The following FGA variants were observed in gnomAD, a reference collection of about 807,000 sequenced individuals.
FGA encodes the protein fibrinogen, A alpha polypeptide.
In FGA, 20 loss-of-function variants were observed where a neutral mutation model predicts 20.3. The ratio of observed to expected loss-of-function variants is 0.99; its 90% confidence interval spans 0.69 to 1.43. The LOEUF (loss-of-function observed/expected upper bound fraction) is 1.43. Ranked by LOEUF, FGA falls within the 40% of genes most tolerant of loss-of-function variation. The pLI is 0.00. For missense variants in FGA, 777 were observed against 784.7 expected (o/e 0.99, Z 0.12); for synonymous variants, 306 against 281.6 (o/e 1.09, Z -0.87).
chr4:154,589,118 A>G lies in FGA; in HGVS notation c.181-142T>C, dbSNP rs1389270856. On this transcript the variant is annotated intron_variant, in intron 2 of 4. Transcript: ENST00000403106. ...TTAAAAGTAGGTAAGAGGACTAGTT[A>G]GAGGTCGCAGAGAAACTCTGGAATG... is the stretch of plus-strand genomic sequence containing the variant. 4 of 754,114 alleles carry G rather than the reference A, an allele frequency of 5.3e-6. No individual in the cohort carries two copies. The East Asian group carries it at 1.1e-4, about 20-fold the overall frequency. 46.7% of individuals were successfully genotyped at this position (754,114 alleles called of 1,614,324 possible).
chr4:154,587,745 GAGAAAGAA>G lies in FGA; in HGVS notation c.365-96_365-89del, dbSNP rs60443975. ...AAAAGAAAGGAAGAAAGGAAGGAAG[GAGAAAGAA>G]AGAAAGAAAGAAAGAAAGAAAGAAA... On this transcript the variant is annotated intron_variant, in intron 3 of 4. Transcript: ENST00000403106. 0.11 allele frequency: 56,954 copies of G among 522,008 alleles called. 3,874 individuals carry two copies. Among genetic ancestry groups the G allele is most frequent in the Non-Finnish European group, 0.12 (37,311 of 300,578 alleles). The allele number at this position is 522,008 out of a possible 1,614,324, so 32.3% of individuals were successfully genotyped here. A position where few individuals can be genotyped will look rare whatever the true frequency, so the allele number is the denominator to read the frequency against.
chr4:154,587,771 GAA>G, intron 3 of FGA, 114 bp from the exon 4 acceptor site: 1 of 659,076 alleles, frequency 1.5e-6, no homozygotes, highest in Non-Finnish European at 2.6e-6. Context: ...AAGAAAGAAA[GAA>G]AGAAAGAAAG....
intron 2 of FGA, among the ~76,000 whole-genome samples, 193 bp downstream of exon 2, chr4:154,589,244 C>G (rs1424739097): frequency 2.0e-5 from 3 of 152,148 alleles, no homozygotes; most frequent in African/African-American, 7.2e-5. Context: ...GTCTGTTCAC[C>G]CACTAATGAT....
rs752970242 is a variant in FGA, at chr4:154,586,307, G to A, written c.1122C>T (p.Thr374=). ...TACTACCAGATACAGAGCTCTCAGA[G>A]GTCCAGTGCCCAGCACTTCCGCGTT... ...SSERGSAGHW[T]SESSVSGSTG... The change falls in exon 5 of 5, where the codon ACC becomes ACT. Residue 374 remains threonine, a synonymous_variant. Coordinates refer to ENST00000403106, the MANE Select transcript of FGA (RefSeq NM_021871.4). The A allele has an allele frequency of 8.1e-6, 13 of 1,614,058 alleles. No individual in the cohort carries two copies. The highest frequency in any genetic ancestry group is 6.7e-5 in the African/African-American group (5 of 74,948).
downstream of FGA, among the ~76,000 whole-genome samples, chr4:154,585,027 T>C (rs1434463123): frequency 6.6e-6 from 1 of 152,208 alleles, no homozygotes; most frequent in Non-Finnish European, 1.5e-5. Context: ...TATTTATACC[T>C]ACAAATTGCA....
At chr4:154,584,315 CAT>C, downstream of FGA, 2 of 1,614,138 alleles carry the variant, frequency 1.2e-6, no homozygotes, top group Non-Finnish European at 1.7e-6. Context: ...CAGCCTCCCC[CAT>C]AGACTTCTGC....
chr4:154,589,121 G>T (rs1329755656), intron 2 of FGA, 145 bp from the exon 3 acceptor site: 1 of 755,874 alleles, frequency 1.3e-6, no homozygotes, highest in Non-Finnish European at 2.2e-6. Flanking sequence ...ACTAGTTAGA[G>T]GTCGCAGAGA....
At chr4:154,588,486 T>C (rs1440945175) in intron 3 of FGA, among the ~76,000 whole-genome samples, 1 of 152,144 alleles carries the variant, frequency 6.6e-6, no homozygotes, top group Non-Finnish European at 1.5e-5. Flanking sequence ...AAATATCAAC[T>C]CAAAGAGTCT....
intron 4 of FGA, 103 bp from the exon 5 acceptor site, chr4:154,587,021 A>T: frequency 8.4e-7 from 1 of 1,193,100 alleles, no homozygotes; most frequent in Non-Finnish European, 1.2e-6. Context: ...AACTGGTTTC[A>T]TTTTTTTTGA....
downstream of FGA, chr4:154,584,195 C>T: frequency 6.2e-7 from 1 of 1,611,472 alleles, no homozygotes; most frequent in Non-Finnish European, 8.5e-7. Flanking sequence ...CTAAAGGAAA[C>T]CCAGACCACT....
downstream of FGA, chr4:154,584,118 T>TGCTCCCATTCCCACTTCC: frequency 9.5e-7 from 1 of 1,055,998 alleles, no homozygotes; most frequent in Non-Finnish European, 1.3e-6. Flanking sequence ...TTCCCACTTC[T>TGCTCCCATTCCCACTTCC]TCAGCCTATT....
downstream of FGA, chr4:154,584,089 A>AGAAGACAGAGTGCTCCCATTCCCACTTC (rs148317511): frequency 0.24 from 323,851 of 1,366,810 alleles, 46,544 homozygotes; most frequent in East Asian, 0.46. Flanking sequence ...TCTCTAGCAA[A>AGAAGACAGAGTGCTCCCATTCCCACTTC]GAAGACAGAG....
chr4:154,583,429 CTT>C (rs575981036), downstream of FGA: 2 of 151,842 alleles, frequency 1.3e-5, no homozygotes, highest in African/African-American at 4.8e-5. Flanking sequence ...TGAATTATGT[CTT>C]TTTTTAATAT....
chr4:154,585,931 ATGTGCCTAAATCCAT>A lies in FGA; in HGVS notation c.1483_1497del (p.Met495_Thr499del). 3 of 1,614,126 alleles carry A rather than the reference ATGTGCCTAAATCCAT, an allele frequency of 1.9e-6. No individual in the cohort carries two copies. The highest frequency in any genetic ancestry group is 2.5e-6 in the Non-Finnish European group (3 of 1,179,988). Reference sequence around the variant, plus strand: ...CCATCCAGAGTACCTATGCCAGACAATGTGCCTAAATCCATTGCCTCGGGACAGTCAGAACCATCT... The same window carrying A: ...CCATCCAGAGTACCTATGCCAGACAATGCCTCGGGACAGTCAGAACCATCT... On this transcript the variant is annotated inframe_deletion, in exon 5 of 5. Transcript: ENST00000403106.
chr4:154,584,268 T>G (rs764310202), downstream of FGA: 5 of 1,614,088 alleles, frequency 3.1e-6, no homozygotes, highest in East Asian at 8.9e-5. Flanking sequence ...GGTAGTAGAT[T>G]CCATTGAGAT....
rs999571382 is a variant in FGA at position 154,589,656 on chromosome 4, T to A, written c.55-94A>T. Reference sequence around the variant, plus strand: ...ATGCCTACAAGTCCCCAGGAAGAGATGGCACTCTCACAGAGATTAAGGAGA... The same window carrying A: ...ATGCCTACAAGTCCCCAGGAAGAGAAGGCACTCTCACAGAGATTAAGGAGA... On this transcript the variant is annotated intron_variant, in intron 1 of 4. Transcript: ENST00000403106. 6 of 1,376,394 alleles carry A rather than the reference T, an allele frequency of 4.4e-6. No homozygotes were observed. In the African/African-American group the frequency reaches 8.5e-5, roughly 20 times the overall value. 85.3% of individuals were successfully genotyped at this position (1,376,394 alleles called of 1,614,324 possible). A position where few individuals can be genotyped will look rare whatever the true frequency, so the allele number is the denominator to read the frequency against.
downstream of FGA, chr4:154,584,337 T>C (rs918210100): frequency 6.2e-7 from 1 of 1,614,024 alleles, no homozygotes; most frequent in African/African-American, 1.3e-5. Flanking sequence ...CACAGTTCTC[T>C]TCCCACTGGT....
At chr4:154,584,198 A>G (rs1280924091), downstream of FGA, 1 of 1,611,664 alleles carries the variant, frequency 6.2e-7, no homozygotes, top group African/African-American at 1.4e-5. Context: ...AAGGAAACCC[A>G]GACCACTCCA....
chr4:154,590,609 G>A, intron 1 of FGA, 25 bp downstream of exon 1: 1 of 1,542,438 alleles, frequency 6.5e-7, no homozygotes, highest in Non-Finnish European at 8.8e-7. Flanking sequence ...GAGAAAGCAA[G>A]AAGAAAAAAT....
Sources: gnomAD v4.1 joint callset for allele counts (sites outside exome capture counted in the v4.1 genomes callset) on GRCh38, gnomAD v4.1.1 for gene constraint, MANE v1.5 for transcripts, NCBI Gene and HGNC (gene_info 2026-07-23, HGNC 2026-07-21) for gene names.